The following EPHA3 variants were observed in gnomAD, a reference collection of about 807,000 sequenced individuals.
EPHA3 encodes EPH receptor A3.
A neutral mutation model predicts 107.1 loss-of-function variants in EPHA3; 42 were observed. That is an observed-to-expected ratio of 0.39 (90% CI 0.31 to 0.51). The LOEUF is 0.51. Among genes scored for constraint, EPHA3 ranks in the 20% least tolerant of loss-of-function variants. EPHA3 has a pLI of 0.78. For missense variants in EPHA3, 1,183 were observed against 1,211.2 expected (o/e 0.98, Z 0.35); for synonymous variants, 461 against 424.8 (o/e 1.09, Z -1.05).
At chr3:89,358,772 C>T (rs2107454622) in intron 5 of EPHA3, among the ~76,000 whole-genome samples, 1 of 151,208 alleles carries the variant, frequency 6.6e-6, no homozygotes, top group East Asian at 1.9e-4. Context: ...ACACATGATG[C>T]TAAAAAACTC....
chr3:89,381,003 C>T (rs987018596), intron 5 of EPHA3, among the ~76,000 whole-genome samples: 8 of 151,032 alleles, frequency 5.3e-5, no homozygotes, highest in South Asian at 2.1e-4. Context: ...GACAGAGTCT[C>T]GCTCTCTTGC....
At chr3:89,225,384 T>C (rs890578809) in intron 3 of EPHA3, among the ~76,000 whole-genome samples, 1 of 152,178 alleles carries the variant, frequency 6.6e-6, no homozygotes, top group African/African-American at 2.4e-5. Context: ...GATACGAAAG[T>C]AAACCTTGTG....
chr3:89,472,569 C>A lies in EPHA3; in HGVS notation c.2796C>A (p.Phe932Leu). 6.2e-7 allele frequency: 1 copy of A among 1,614,096 alleles called. No homozygotes were observed. Among genetic ancestry groups the A allele is most frequent in the East Asian group, 2.2e-5 (1 of 44,880 alleles). The change falls in exon 16 of 17, where the codon TTC (phenylalanine) becomes TTA (leucine). Residue 932 changes from phenylalanine to leucine, a missense_variant. Phe to Leu is a conservative substitution (Grantham distance 22). Coordinates refer to ENST00000336596, the MANE Select transcript of EPHA3 (RefSeq NM_005233.6). ...GVWTAHCKEI[F>L]TGVEYSSCDT... ...GGACAGCACACTGCAAGGAAATCTT[C>A]ACGGGTGTGGAGTACAGTTCTTGTG...
At chr3:89,394,045 G>A (rs1331120814) in intron 5 of EPHA3, among the ~76,000 whole-genome samples, 2 of 152,082 alleles carry the variant, frequency 1.3e-5, no homozygotes, top group African/African-American at 4.8e-5. Context: ...TTCCTAATGG[G>A]AGCAAAAAGT....
chr3:89,175,069 A>ATT (rs11425521), intron 2 of EPHA3, among the ~76,000 whole-genome samples: 44 of 138,660 alleles, frequency 3.2e-4, no homozygotes, highest in African/African-American at 9.4e-4. Flanking sequence ...AAGTGATAGC[A>ATT]TTTTTTTTTT....
chr3:89,186,517 A>G (rs1322736552), intron 2 of EPHA3, among the ~76,000 whole-genome samples: 1 of 152,164 alleles, frequency 6.6e-6, no homozygotes, highest in Non-Finnish European at 1.5e-5. Flanking sequence ...TGAAATGAGA[A>G]CAACTCAAAC....
chr3:89,188,440 G>T (rs934775415), intron 2 of EPHA3, among the ~76,000 whole-genome samples: 3 of 152,044 alleles, frequency 2.0e-5, no homozygotes, highest in Admixed American at 6.6e-5. Context: ...TAGTTCTCTT[G>T]CTTTACTGGG....
rs1215181262 is a variant in EPHA3, at chr3:89,342,159, GA to G, written c.1306+73del. Reference sequence around the variant, plus strand: ...TGAGTAATGGTTTTGACTCTGGGTGGAAAACTGGGCGGAAGGAAAAAAAGAT... The same window carrying G: ...TGAGTAATGGTTTTGACTCTGGGTGGAAACTGGGCGGAAGGAAAAAAAGAT... On this transcript the variant is annotated intron_variant, in intron 5 of 16. Transcript: ENST00000336596. The G allele has an allele frequency of 2.1e-6, 3 of 1,410,150 alleles. No homozygotes were observed. The Admixed American group carries it at 7.4e-5, about 35-fold the overall frequency. 87.4% of individuals were successfully genotyped at this position (1,410,150 alleles called of 1,614,324 possible). A position where few individuals can be genotyped will look rare whatever the true frequency, so the allele number is the denominator to read the frequency against.
At chr3:89,425,735 G>A (rs1559691658) in intron 11 of EPHA3, among the ~76,000 whole-genome samples, 1 of 151,534 alleles carries the variant, frequency 6.6e-6, no homozygotes, top group East Asian at 1.9e-4. Context: ...ATATGCGTAT[G>A]TATGTGTATA....
chr3:89,120,160 G>A (rs994057243), intron 1 of EPHA3, among the ~76,000 whole-genome samples: 1 of 152,110 alleles, frequency 6.6e-6, no homozygotes, highest in Non-Finnish European at 1.5e-5. Flanking sequence ...TCATAATTGA[G>A]TAATATGTTT....
intron 2 of EPHA3, among the ~76,000 whole-genome samples, chr3:89,139,022 A>C (rs943634944): frequency 2.6e-5 from 4 of 151,778 alleles, no homozygotes; most frequent in Admixed American, 2.0e-4. Context: ...CTCGCAGTAG[A>C]AGTTATTATA....
Position 89,450,192 on chromosome 3 carries a change from G to A in EPHA3, c.2512G>A (p.Asp838Asn), listed in dbSNP as rs2107554788. 1 of 1,601,354 alleles carries A rather than the reference G, an allele frequency of 6.2e-7. No homozygotes were observed. The highest frequency in any genetic ancestry group is 1.7e-5 in the Admixed American group (1 of 58,154). The part of the protein sequence containing the change: ...MSNQDVIKAV[D>N]EGYRLPPPMD... Reference sequence around the variant, plus strand: ...TCTCACACAGGTAATTAAAGCTGTAGATGAGGGCTATCGACTGCCACCCCC... The same window carrying A: ...TCTCACACAGGTAATTAAAGCTGTAAATGAGGGCTATCGACTGCCACCCCC... The change falls in exon 15 of 17, where the codon GAT becomes AAT. Residue 838 changes from aspartate to asparagine, a missense_variant. Transcript: ENST00000336596.
intron 2 of EPHA3, among the ~76,000 whole-genome samples, chr3:89,180,827 A>C (rs771988847): frequency 1.3e-5 from 2 of 152,028 alleles, no homozygotes; most frequent in Non-Finnish European, 2.9e-5. Context: ...AGTGAAGTGC[A>C]TATGGGACTA....
intron 9 of EPHA3, among the ~76,000 whole-genome samples, chr3:89,412,652 T>C (rs112526269): frequency 0.012 from 1,834 of 151,850 alleles, 18 homozygotes; most frequent in African/African-American, 0.03. Context: ...AGGTATGCCA[T>C]TATATATCAT....
At chr3:89,260,525 A>T (rs1413583638) in intron 3 of EPHA3, among the ~76,000 whole-genome samples, 3 of 151,942 alleles carry the variant, frequency 2.0e-5, no homozygotes, top group Non-Finnish European at 4.4e-5. Flanking sequence ...TTTTTAAATC[A>T]GGTTATTTAT....
intron 3 of EPHA3, among the ~76,000 whole-genome samples, chr3:89,314,373 A>T (rs1229183745): frequency 6.6e-6 from 1 of 151,952 alleles, no homozygotes; most frequent in Non-Finnish European, 1.5e-5. Flanking sequence ...TGAGGATCAC[A>T]TGGGGGCAAA....
chr3:89,389,757 C>T (rs1252752577), intron 5 of EPHA3, among the ~76,000 whole-genome samples: 9 of 152,218 alleles, frequency 5.9e-5, no homozygotes, highest in Non-Finnish European at 8.8e-5. Flanking sequence ...GTAATTCTAA[C>T]ACAAATTGTG....
At chr3:89,189,646 T>C (rs552983418) in intron 2 of EPHA3, among the ~76,000 whole-genome samples, 4 of 152,304 alleles carry the variant, frequency 2.6e-5, no homozygotes, top group Admixed American at 2.6e-4. Flanking sequence ...CTAAGCCACT[T>C]TTCTCTTCTT....
chr3:89,123,200 G>A (rs2106964467), intron 1 of EPHA3, among the ~76,000 whole-genome samples: 1 of 152,242 alleles, frequency 6.6e-6, no homozygotes, highest in South Asian at 2.1e-4. Flanking sequence ...GCTGCATTGC[G>A]GTGGCGCAAT....
Sources: allele counts gnomAD v4.1 joint callset (sites outside exome capture counted in the v4.1 genomes callset), GRCh38; gene constraint gnomAD v4.1.1; transcripts MANE v1.5; gene names NCBI Gene and HGNC (gene_info 2026-07-23, HGNC 2026-07-21).